The following PRORP variants were observed in gnomAD, a reference collection of about 807,000 sequenced individuals.
The protein encoded by PRORP is mitochondrial ribonuclease P catalytic subunit.
PRORP carries 51 observed loss-of-function variants against 59.4 expected under a neutral mutation model. The ratio of observed to expected loss-of-function variants is 0.86; its 90% CI spans 0.69 to 1.08. PRORP has a LOEUF of 1.08. Among genes scored for constraint, PRORP ranks in the 50% least tolerant of loss-of-function variants. PRORP has a pLI of 0.00. For missense variants in PRORP, 646 were observed against 690.3 expected (o/e 0.94, Z 0.72); for synonymous variants, 231 against 245.6 (o/e 0.94, Z 0.55).
chr14:35,189,270 G>T (rs1266545554), intron 5 of PRORP, among the ~76,000 whole-genome samples: 1 of 152,032 alleles, frequency 6.6e-6, no homozygotes, highest in Non-Finnish European at 1.5e-5. Flanking sequence ...ATGGGGCCTT[G>T]CCATGTTGTC....
At chr14:35,268,493 C>T (rs1438784381) in intron 6 of PRORP, among the ~76,000 whole-genome samples, 3 of 152,218 alleles carry the variant, frequency 2.0e-5, no homozygotes, top group African/African-American at 7.2e-5. Flanking sequence ...TTTGTGCTAA[C>T]AAAAGTTTAT....
chr14:35,167,476 A>T (rs28750252), intron 4 of PRORP, among the ~76,000 whole-genome samples: 93,714 of 152,082 alleles, frequency 0.62, 29,051 homozygotes, highest in East Asian at 0.69. Flanking sequence ...TCTCCCAAAC[A>T]TCTCTTCTCT....
rs1169183772 is a variant in PRORP at position 35,123,457 on chromosome 14, A to G, written c.212A>G (p.Asp71Gly). 1 of 1,614,096 alleles carries G rather than the reference A, an allele frequency of 6.2e-7. No homozygotes were observed. The highest frequency in any genetic ancestry group is 1.3e-5 in the African/African-American group (1 of 74,952). The change falls in exon 2 of 8, where the codon GAT (aspartate) becomes GGT (glycine). Residue 71 changes from aspartate (D) to glycine (G), a missense_variant. By Grantham distance (94) the Asp-to-Gly change is moderately conservative. Transcript: ENST00000534898. ...LIAKARYLRK[D>G]EGSNKQVYSV... ...GCCAAGGCCAGATATCTCAGGAAAG[A>G]TGAGGGCAGTAATAAGCAAGTTTAT...
At chr14:35,226,951 G>A (rs1170930936) in intron 5 of PRORP, among the ~76,000 whole-genome samples, 1 of 151,380 alleles carries the variant, frequency 6.6e-6, no homozygotes, top group East Asian at 2.0e-4. Flanking sequence ...CCCATGGCTA[G>A]TCTTGAACTC....
In PRORP at chr14:35,180,760, G is replaced by A; in HGVS notation, c.1258G>A (p.Val420Ile). The change falls in exon 5 of 8, where the codon GTT becomes ATT. Residue 420 changes from valine to isoleucine, a missense_variant. Transcript: ENST00000534898. ...CAATGTTGCCAAAATGTTTCCTAAAGTTCGTGAATCTCAACTTGTAAGTAT... is the reference window on the plus strand; with the variant it reads ...CAATGTTGCCAAAATGTTTCCTAAAATTCGTGAATCTCAACTTGTAAGTAT... ...GLNVAKMFPK[V>I]RESQLLLNVV... The A allele has an allele frequency of 6.2e-7, 1 of 1,605,280 alleles. No individual in the cohort carries two copies. The highest frequency in any genetic ancestry group is 8.5e-7 in the Non-Finnish European group (1 of 1,172,774).
At chr14:35,266,482 A>C (rs2051044299) in intron 5 of PRORP, among the ~76,000 whole-genome samples, 1 of 151,838 alleles carries the variant, frequency 6.6e-6, no homozygotes, top group Non-Finnish European at 1.5e-5. Flanking sequence ...ATCCTGTCCC[A>C]CACACAAAAA....
At chr14:35,154,839 G>A (rs186991613) in intron 4 of PRORP, among the ~76,000 whole-genome samples, 68 of 152,268 alleles carry the variant, frequency 4.5e-4, no homozygotes, top group African/African-American at 1.5e-3. Flanking sequence ...ACCAGTTATT[G>A]GAGTTATTAA....
chr14:35,211,334 A>C lies in PRORP; in HGVS notation c.1275+30557A>C, dbSNP rs532181884. Among the ~76,000 whole-genome samples the C allele has an allele frequency of 2.6e-5, 4 of 152,282 alleles. No individual in the cohort carries two copies. The East Asian group carries it at 7.7e-4, about 29-fold the overall frequency. ...CAGCTTCCCACCTCTAAAGCATGTAAGTTCTGTGAGAACAGAGACTTGGCC... is the reference window on the plus strand; with the variant it reads ...CAGCTTCCCACCTCTAAAGCATGTACGTTCTGTGAGAACAGAGACTTGGCC... On this transcript the variant is annotated intron_variant, in intron 5 of 7. Transcript: ENST00000534898.
intron 4 of PRORP, among the ~76,000 whole-genome samples, chr14:35,173,079 G>A (rs944007609): frequency 6.6e-6 from 1 of 151,946 alleles, no homozygotes; most frequent in African/African-American, 2.4e-5. Flanking sequence ...TGTTGGCCGG[G>A]CTGGTCTTGA....
At chr14:35,189,568 C>T (rs2048831146) in intron 5 of PRORP, among the ~76,000 whole-genome samples, 3 of 151,852 alleles carry the variant, frequency 2.0e-5, no homozygotes, top group Admixed American at 2.0e-4. Context: ...GTTTCTTGAG[C>T]ACCCATTCCA....
intron 5 of PRORP, among the ~76,000 whole-genome samples, chr14:35,255,336 G>A (rs1156788866): frequency 6.6e-6 from 1 of 151,770 alleles, no homozygotes; most frequent in Non-Finnish European, 1.5e-5. Flanking sequence ...CACCATGTTG[G>A]TCAGGCTGGT....
chr14:35,214,897 A>G (rs1487880912), intron 5 of PRORP, among the ~76,000 whole-genome samples: 1 of 152,010 alleles, frequency 6.6e-6, no homozygotes, highest in Non-Finnish European at 1.5e-5. Flanking sequence ...ACAGAGCGAG[A>G]CTCCCATCTC....
chr14:35,123,147 T>C lies in PRORP; in HGVS notation c.-99T>C. ...CACAAACCTTTTAAAAAGTTCCACT[T>C]CGACTCTGCACCGCCGACCCCCAAT... On this transcript the variant is annotated 5_prime_UTR_variant, in exon 2 of 8. Coordinates refer to ENST00000534898, the MANE Select transcript of PRORP (RefSeq NM_014672.4). 8.0e-7 allele frequency: 1 copy of C among 1,247,476 alleles called. No homozygotes were observed. Among genetic ancestry groups the C allele is most frequent in the Non-Finnish European group, 1.1e-6 (1 of 902,198 alleles). The allele number at this position is 1,247,476 out of a possible 1,614,324, so 77.3% of individuals were successfully genotyped here. A position where few individuals can be genotyped will look rare whatever the true frequency, so the allele number is the denominator to read the frequency against.
chr14:35,255,552 T>C (rs1299375965), intron 5 of PRORP, among the ~76,000 whole-genome samples: 2 of 152,190 alleles, frequency 1.3e-5, no homozygotes, highest in Non-Finnish European at 2.9e-5. Flanking sequence ...CATTATATTT[T>C]ATTTTATCAA....
chr14:35,214,821 C>T (rs769608249), intron 5 of PRORP, among the ~76,000 whole-genome samples: 4 of 152,128 alleles, frequency 2.6e-5, no homozygotes, highest in African/African-American at 4.8e-5. Flanking sequence ...GCAAGAGAAT[C>T]GCTTGAACCC....
chr14:35,218,651 C>T (rs945167413), intron 5 of PRORP, among the ~76,000 whole-genome samples: 13 of 151,200 alleles, frequency 8.6e-5, no homozygotes, highest in East Asian at 2.0e-4. Flanking sequence ...CTCAGCCTCC[C>T]GAGTAGTTTG....
intron 4 of PRORP, among the ~76,000 whole-genome samples, chr14:35,154,747 T>C (rs1312148538): frequency 6.6e-6 from 1 of 151,534 alleles, no homozygotes; most frequent in African/African-American, 2.4e-5. Flanking sequence ...ATAAAAGCAA[T>C]TTGAGATAAA....
Position 35,273,415 on chromosome 14 carries a change from TTC to T in PRORP, c.1621-16_1621-15del. 1.3e-6 allele frequency: 2 copies of T among 1,594,350 alleles called. No homozygotes were observed. Among genetic ancestry groups the T allele is most frequent in the African/African-American group, 1.4e-5 (1 of 74,062 alleles). Reference sequence around the variant, plus strand: ...CTTTAGTGTTGTTCTCAATGTTTTGTTCTCTTTTTAATTCAACAGCGTATTCT... The same window carrying T: ...CTTTAGTGTTGTTCTCAATGTTTTGTTCTTTTTAATTCAACAGCGTATTCT... On this transcript the variant is annotated intron_variant, in intron 7 of 7. Transcript: ENST00000534898.
At chr14:35,193,113 C>CTTGCA (rs1211809643) in intron 5 of PRORP, among the ~76,000 whole-genome samples, 2 of 152,086 alleles carry the variant, frequency 1.3e-5, no homozygotes, top group African/African-American at 4.8e-5. Context: ...CCTTTTGCAG[C>CTTGCA]TTGCATTTTG....
Sources: gnomAD v4.1 joint callset for allele counts (sites outside exome capture counted in the v4.1 genomes callset) on GRCh38, gnomAD v4.1.1 for gene constraint, MANE v1.5 for transcripts, NCBI Gene and HGNC (gene_info 2026-07-23, HGNC 2026-07-21) for gene names.